Variants in SKAP1 observed in about 807,000 individuals in gnomAD.
SKAP1 encodes src kinase-associated phosphoprotein 1.
In SKAP1, 44 loss-of-function variants were observed where a neutral mutation model predicts 58.5. The observed-to-expected ratio is 0.75, with a 90% CI of 0.59 to 0.97. The LOEUF is 0.97. Among genes scored for constraint, SKAP1 ranks in the 50% least tolerant of loss-of-function variants. SKAP1 has a pLI of 0.00. For missense variants in SKAP1, 390 were observed against 435.2 expected, an observed-to-expected ratio of 0.90 and a Z score of 0.92; for synonymous variants, 127 against 149.7, an observed-to-expected ratio of 0.85 and a Z score of 1.11.
At chr17:48,359,747 C>T (rs2066914143) in intron 3 of SKAP1, among the ~76,000 whole-genome samples, 1 of 152,100 alleles carries the variant, frequency 6.6e-6, no homozygotes, top group African/African-American at 2.4e-5. Context: ...GCTAGGACTA[C>T]AGGCCTGTGC....
intron 4 of SKAP1, among the ~76,000 whole-genome samples, chr17:48,300,393 G>GA (rs5820693): frequency 0.33 from 50,621 of 151,926 alleles, 9,228 homozygotes; most frequent in African/African-American, 0.48. Context: ...AAAAGGAGGA[G>GA]AAGTTGCCTT....
intron 3 of SKAP1, among the ~76,000 whole-genome samples, chr17:48,353,793 G>A (rs2066835273): frequency 6.6e-6 from 1 of 151,846 alleles, no homozygotes; most frequent in African/African-American, 2.4e-5. Context: ...CTACTTGGGA[G>A]GCTGAGGCAG....
chr17:48,249,048 A>T (rs1023279179), intron 4 of SKAP1: 3 of 151,788 alleles, frequency 2.0e-5, no homozygotes, highest in South Asian at 2.1e-4. Flanking sequence ...AAAACAAAAA[A>T]ACAAAAAAAA....
intron 4 of SKAP1, among the ~76,000 whole-genome samples, chr17:48,326,328 T>C (rs2066436557): frequency 1.3e-5 from 2 of 152,188 alleles, no homozygotes; most frequent in Admixed American, 1.3e-4. Flanking sequence ...CTTAAAATCA[T>C]GATAAGTTCA....
intron 4 of SKAP1, among the ~76,000 whole-genome samples, chr17:48,336,702 A>AATTC (rs1026135300): frequency 1.3e-5 from 2 of 151,790 alleles, no homozygotes; most frequent in Admixed American, 6.6e-5. Context: ...TTTGATAATT[A>AATTC]AATGAGATAT....
At chr17:48,351,234 ATTATAAATTACATACC>A (rs1206873917) in intron 3 of SKAP1, among the ~76,000 whole-genome samples, 1 of 152,232 alleles carries the variant, frequency 6.6e-6, no homozygotes, top group African/African-American at 2.4e-5. Context: ...CAACACTTCC[ATTATAAATTACATACC>A]ATTTTGCACA....
intron 4 of SKAP1, among the ~76,000 whole-genome samples, chr17:48,276,809 T>A (rs762552470): frequency 6.6e-6 from 1 of 152,200 alleles, no homozygotes; most frequent in Non-Finnish European, 1.5e-5. Context: ...CAATTTTGCT[T>A]AATTGACATA....
rs60005426 is a variant in SKAP1, at chr17:48,224,071, G to A, written c.281-34571C>T. On this transcript the variant is annotated intron_variant, in intron 4 of 12. Coordinates refer to ENST00000336915, the MANE Select transcript of SKAP1 (RefSeq NM_003726.4). Reference sequence around the variant, plus strand: ...GGAGGAGGAGGAGGAGGAGGAGAAGGAGGAGGAGGAGGAGGAAGAGGAGGA... The same window carrying A: ...GGAGGAGGAGGAGGAGGAGGAGAAGAAGGAGGAGGAGGAGGAAGAGGAGGA... Among the ~76,000 whole-genome samples, 91 of 40,730 alleles carry A rather than the reference G, an allele frequency of 2.2e-3. 1 individual carries two copies. Among genetic ancestry groups the A allele is most frequent in the Middle Eastern group, 9.6e-3 (1 of 104 alleles). 26.7% of individuals were successfully genotyped at this position (40,730 alleles called of 152,430 possible).
At chr17:48,206,925 A>G (rs1033393921) in intron 4 of SKAP1, among the ~76,000 whole-genome samples, 3 of 152,170 alleles carry the variant, frequency 2.0e-5, no homozygotes, top group Non-Finnish European at 4.4e-5. Flanking sequence ...CCAAGGGACT[A>G]CAGGTACACA....
At chr17:48,438,474 G>A in the SKAP1 span, among the ~76,000 whole-genome samples, 71 of 152,268 alleles carry the variant, frequency 4.7e-4, no homozygotes, top group African/African-American at 1.6e-3. Flanking sequence ...GGTTGCCAAG[G>A]ATGAGAGTTT....
At position 48,266,488 on chromosome 17, in the gene SKAP1, T is replaced by C. The variant is rs144425685; in HGVS notation, c.281-76988A>G. ...TTTAATTTTAGAAATTCTGTTTTCCTTTTCTTTTTTTCTTTTCTTACTTTC... is the reference window on the plus strand; with the variant it reads ...TTTAATTTTAGAAATTCTGTTTTCCCTTTCTTTTTTTCTTTTCTTACTTTC... On this transcript the variant is annotated intron_variant, in intron 4 of 12. Coordinates refer to ENST00000336915, the MANE Select transcript of SKAP1 (RefSeq NM_003726.4). Among the ~76,000 whole-genome samples the C allele has an allele frequency of 1.7e-3, 260 of 151,898 alleles. 1 individual carries two copies. The highest frequency in any genetic ancestry group is 5.7e-3 in the African/African-American group (235 of 41,472).
intron 4 of SKAP1, among the ~76,000 whole-genome samples, chr17:48,328,495 A>G (rs1259303957): frequency 1.3e-5 from 2 of 152,180 alleles, no homozygotes; most frequent in African/African-American, 2.4e-5. Flanking sequence ...ATAGGATGAT[A>G]GCAGTGTAAG....
At chr17:48,209,997 C>A (rs1468751934) in intron 4 of SKAP1, among the ~76,000 whole-genome samples, 1 of 152,158 alleles carries the variant, frequency 6.6e-6, no homozygotes, top group Non-Finnish European at 1.5e-5. Flanking sequence ...GGAGAGGTAG[C>A]ACATTAATCG....
At chr17:48,407,367 AT>A (rs1490357719) in intron 1 of SKAP1, among the ~76,000 whole-genome samples, 1 of 152,240 alleles carries the variant, frequency 6.6e-6, no homozygotes, top group Admixed American at 6.5e-5. Flanking sequence ...TATCAGAACA[AT>A]GGTTTTCTAA....
chr17:48,343,182 T>C (rs1315248711), intron 4 of SKAP1, among the ~76,000 whole-genome samples: 1 of 152,140 alleles, frequency 6.6e-6, no homozygotes, highest in East Asian at 1.9e-4. Context: ...CTTAACACAG[T>C]GTCTTGGTGT....
chr17:48,306,555 C>A (rs2066144900), intron 4 of SKAP1, among the ~76,000 whole-genome samples: 1 of 152,104 alleles, frequency 6.6e-6, no homozygotes, highest in Non-Finnish European at 1.5e-5. Flanking sequence ...ATATATCTTG[C>A]AACAAAACTG....
At chr17:48,188,944 T>C (rs1268459136) in intron 5 of SKAP1, among the ~76,000 whole-genome samples, 1 of 152,110 alleles carries the variant, frequency 6.6e-6, no homozygotes, top group Non-Finnish European at 1.5e-5. Context: ...GGTTGCAGTG[T>C]GCCAGGTTCA....
chr17:48,386,173 G>A (rs553130451), intron 2 of SKAP1, among the ~76,000 whole-genome samples: 5 of 152,216 alleles, frequency 3.3e-5, no homozygotes, highest in African/African-American at 7.2e-5. Flanking sequence ...TAAATAGTAA[G>A]TTTCCTAATA....
At chr17:48,137,399 T>A in intron 11 of SKAP1, 62 bp from the exon 12 acceptor site, 1 of 1,125,436 alleles carries the variant, frequency 8.9e-7, no homozygotes, top group Non-Finnish European at 1.4e-6. Flanking sequence ...TCATTTATTC[T>A]AGTGATTGCA....
Sources: allele counts gnomAD v4.1 joint callset (sites outside exome capture counted in the v4.1 genomes callset), GRCh38; gene constraint gnomAD v4.1.1; transcripts MANE v1.5; gene names NCBI Gene and HGNC (gene_info 2026-07-23, HGNC 2026-07-21).